The following SON variants were observed in gnomAD, a reference collection of about 807,000 sequenced individuals.
The protein encoded by SON is SON DNA and RNA binding protein.
Under a neutral mutation model 173.3 loss-of-function variants are expected in SON, and 4 were observed. The observed-to-expected ratio is 0.02, with a 90% confidence interval of 0.01 to 0.05. The LOEUF (loss-of-function observed/expected upper bound fraction) is 0.05, where lower values mean the gene tolerates loss of function less well. SON is among the 10% of genes least tolerant of loss of function. The pLI is 1.00. For synonymous variants in SON, 1,190 were observed against 1,105.9 expected (o/e 1.08, Z -1.51); for missense variants, 2,626 against 3,055.3 (o/e 0.86, Z 3.31).
chr21:33,565,804 ATTTTG>A (rs1349916827), intron 6 of SON, among the ~76,000 whole-genome samples: 4 of 152,214 alleles, frequency 2.6e-5, no homozygotes, highest in African/African-American at 7.2e-5. Flanking sequence ...GAAAGGATTA[ATTTTG>A]TTTTCATTTT....
At position 33,559,289 on chromosome 21, in the gene SON, T is replaced by C; in HGVS notation, c.6381T>C (p.His2127=). The part of the protein sequence containing the change: ...EDDDVIVNKP[H]VSDEEEEEPP... ...ATGATGTAATAGTGAATAAACCTCA[T>C]GTTTCGGATGAAGAGGAAGAAGAAC... The change falls in exon 5 of 12, where the codon CAT becomes CAC. Residue 2127 remains histidine (H), a synonymous_variant. Coordinates refer to ENST00000356577, the MANE Select transcript of SON (RefSeq NM_138927.4). This position sits in a 1 kb window ranked among gnomAD's most constrained non-coding sequence, Gnocchi z 4.1. The C allele has an allele frequency of 1.2e-6, 2 of 1,612,004 alleles. No homozygotes were observed. Among genetic ancestry groups the C allele is most frequent in the East Asian group, 2.2e-5 (1 of 44,790 alleles).
chr21:33,555,610 A>C (rs2085951617), intron 3 of SON, among the ~76,000 whole-genome samples: 1 of 152,228 alleles, frequency 6.6e-6, no homozygotes, highest in Non-Finnish European at 1.5e-5. Context: ...AATAGAACCA[A>C]GGTGTTTCCA....
intron 3 of SON, among the ~76,000 whole-genome samples, chr21:33,556,277 A>G (rs1375666731): frequency 6.6e-6 from 1 of 152,212 alleles, no homozygotes; most frequent in Non-Finnish European, 1.5e-5. Context: ...TAAAATGCAT[A>G]TATGTCTCTC....
intron 6 of SON, among the ~76,000 whole-genome samples, chr21:33,563,244 C>T (rs750913263): frequency 5.3e-5 from 8 of 151,946 alleles, no homozygotes; most frequent in Non-Finnish European, 8.8e-5. Flanking sequence ...TTTGTTTTCC[C>T]GTTGTACTTC....
chr21:33,572,453 T>G (rs972321398), intron 8 of SON: 2 of 650,204 alleles, frequency 3.1e-6, no homozygotes, highest in Non-Finnish European at 5.1e-6. Context: ...TTTGCTGCTT[T>G]GATGGAAATT....
At chr21:33,545,196 G>A (rs569684233) in intron 1 of SON, among the ~76,000 whole-genome samples, 32 of 152,272 alleles carry the variant, frequency 2.1e-4, no homozygotes, top group Admixed American at 5.9e-4. Flanking sequence ...AAGAATAATA[G>A]TGGTGATCTC....
chr21:33,556,114 C>T (rs537409786), intron 3 of SON, among the ~76,000 whole-genome samples: 47 of 152,258 alleles, frequency 3.1e-4, no homozygotes, highest in Middle Eastern at 3.4e-3. Flanking sequence ...CTGGACATTT[C>T]TAGGCCAGGA....
chr21:33,569,130 T>C, intron 8 of SON, 43 bp downstream of exon 8: 1 of 1,228,136 alleles, frequency 8.1e-7, no homozygotes, highest in Non-Finnish European at 1.2e-6. Flanking sequence ...ACAAAAAGTT[T>C]AAATTTTTTG....
At chr21:33,557,528 A>G (rs1569061035) in intron 4 of SON, 3 of 1,550,474 alleles carry the variant, frequency 1.9e-6, no homozygotes, top group South Asian at 1.2e-5. Context: ...GTTACTTCCC[A>G]TTACTTTTGC....
chr21:33,553,053 A>T lies in SON; in HGVS notation c.3822A>T (p.Glu1274Asp), dbSNP rs774075398. ...CTGCAGTAGTAGCAGAAGAACATGA[A>T]GTTGTTCCAGAGAGACCAGTGACTT... is the stretch of plus-strand genomic sequence containing the variant. ...VESAVVAEEH[E>D]VVPERPVTCM... The change falls in exon 3 of 12, where the codon GAA becomes GAT. Residue 1274 changes from glutamate to aspartate, a missense_variant. This residue lies in a region of SON where 1,006 missense variants were observed against 895.6 expected (regional missense o/e 1.12). Transcript: ENST00000356577. The T allele has an allele frequency of 1.2e-6, 2 of 1,614,072 alleles. No individual in the cohort carries two copies. Among genetic ancestry groups the T allele is most frequent in the South Asian group, 2.2e-5 (2 of 91,096 alleles).
In SON at chr21:33,550,639, C is replaced by A; in HGVS notation, c.1408C>A (p.Pro470Thr). 6.2e-7 allele frequency: 1 copy of A among 1,613,872 alleles called. No individual in the cohort carries two copies. Among genetic ancestry groups the A allele is most frequent in the Non-Finnish European group, 8.5e-7 (1 of 1,179,932 alleles). Reference sequence around the variant, plus strand: ...GGGGTTGGAGCCACCACAGGAGGTACCAGAGCCACCTGTGATGGCACAGGA... The same window carrying A: ...GGGGTTGGAGCCACCACAGGAGGTAACAGAGCCACCTGTGATGGCACAGGA... ...SMGLEPPQEV[P>T]EPPVMAQELP... Residue 470 changes from proline to threonine, a missense_variant, in exon 3 of 12, where the codon CCA becomes ACA. Pro to Thr is a conservative substitution (Grantham distance 38, BLOSUM62 -1). Transcript: ENST00000356577.
intron 1 of SON, 143 bp downstream of exon 1, chr21:33,543,312 G>T (rs1569044612): frequency 5.4e-6 from 4 of 741,932 alleles, no homozygotes; most frequent in Non-Finnish European, 9.1e-6. Context: ...CCATTTTCCG[G>T]GCCCCCCCCA....
At chr21:33,568,078 A>G (rs540125667) in intron 7 of SON, among the ~76,000 whole-genome samples, 13 of 152,338 alleles carry the variant, frequency 8.5e-5, no homozygotes, top group South Asian at 4.1e-4. Context: ...GTACATGTTC[A>G]GACAGGAAAT....
chr21:33,560,437 T>C, intron 6 of SON: 1 of 1,084,842 alleles, frequency 9.2e-7, no homozygotes, highest in African/African-American at 1.7e-5. Flanking sequence ...AGAAGTGGAA[T>C]TCAAACGTTG....
rs919592550 is a variant in SON at position 33,549,978 on chromosome 21, A to G, written c.747A>G (p.Pro249=). 1.9e-6 allele frequency: 3 copies of G among 1,614,034 alleles called. No homozygotes were observed. The African/African-American group carries it at 4.0e-5, about 22-fold the overall frequency. Residue 249 remains proline (P), a synonymous_variant, in exon 3 of 12, where the codon CCA becomes CCG. Coordinates refer to ENST00000356577, the MANE Select transcript of SON (RefSeq NM_138927.4). ...TTCTGGATTCCTTTGCAGCAGCACCAGTGCCTACTACAACACTGGTGTTGA... is the reference window on the plus strand; with the variant it reads ...TTCTGGATTCCTTTGCAGCAGCACCGGTGCCTACTACAACACTGGTGTTGA... ...TKILDSFAAA[P]VPTTTLVLKS...
rs539103828 is a variant in SON at position 33,565,909 on chromosome 21, A to G, written c.6658-1248A>G. Among the ~76,000 whole-genome samples, 11 of 152,326 alleles carry G rather than the reference A, an allele frequency of 7.2e-5. No individual in the cohort carries two copies. The East Asian group carries it at 1.9e-3, about 27-fold the overall frequency. On this transcript the variant is annotated intron_variant, in intron 6 of 11. Transcript: ENST00000356577. ...TTTATTAGCAAGGTAACTAAGAATT[A>G]TGGAGGATTAGGGGTTCTGAAGGTA...
chr21:33,550,504 C>G lies in SON; in HGVS notation c.1273C>G (p.Pro425Ala), dbSNP rs1239405387. ...GCCAGGGCCCCTTTCTACCCCAGTG[C>G]CTGAGTTGCCAGGGCCCCCTGCGAC... ...ELPGPLSTPV[P>A]ELPGPPATAV... The change falls in exon 3 of 12, where the codon CCT becomes GCT. Residue 425 changes from proline to alanine, a missense_variant. Pro to Ala is a conservative substitution (Grantham distance 27). This residue lies in a region of SON where 757 missense variants were observed against 730.1 expected (regional missense o/e 1.04). Coordinates refer to ENST00000356577, the MANE Select transcript of SON (RefSeq NM_138927.4). 2.5e-6 allele frequency: 4 copies of G among 1,613,434 alleles called. No homozygotes were observed.
intron 7 of SON, among the ~76,000 whole-genome samples, chr21:33,568,620 A>G (rs1028190143): frequency 6.6e-6 from 1 of 152,266 alleles, no homozygotes; most frequent in African/African-American, 2.4e-5. Flanking sequence ...CCAGGCTGTC[A>G]TGACATGTAT....
intron 6 of SON, among the ~76,000 whole-genome samples, chr21:33,562,255 T>C (rs1461251656): frequency 1.3e-5 from 2 of 152,214 alleles, no homozygotes; most frequent in Non-Finnish European, 2.9e-5. Context: ...GAAATACTTT[T>C]GGTAACACTT....
Sources: allele counts gnomAD v4.1 joint callset (sites outside exome capture counted in the v4.1 genomes callset), GRCh38; gene constraint gnomAD v4.1.1; regional missense constraint gnomAD v4.1.1; non-coding constraint Gnocchi (gnomAD v3.1); transcripts MANE v1.5; gene names NCBI Gene and HGNC (gene_info 2026-07-23, HGNC 2026-07-21).